The following LIN52 variants were observed in gnomAD, a reference collection of about 807,000 sequenced individuals.
LIN52 encodes lin-52 DREAM MuvB core complex component.
In LIN52, 4 loss-of-function variants were observed where a neutral mutation model predicts 18.5. The ratio of observed to expected loss-of-function variants is 0.22; its 90% CI spans 0.11 to 0.49. The LOEUF (loss-of-function observed/expected upper bound fraction) is 0.49. Among genes scored for constraint, LIN52 ranks in the 20% least tolerant of loss-of-function variants. The pLI, the probability that LIN52 is intolerant of heterozygous loss-of-function variation, is 0.97. For missense variants in LIN52, 102 were observed against 139.5 expected, an observed-to-expected ratio of 0.73 and a Z score of 1.35; for synonymous variants, 34 against 45.5, an observed-to-expected ratio of 0.75 and a Z score of 1.02.
In LIN52 at chr14:74,182,072, G is replaced by A. The variant is rs138248725; in HGVS notation, c.284-16850G>A. On this transcript the variant is annotated intron_variant, in intron 5 of 5. Coordinates refer to ENST00000555028, the MANE Select transcript of LIN52 (RefSeq NM_001024674.3). The stretch of plus-strand genomic sequence containing the variant: ...GTCACCCAGGTTAGAGTGCTGTGGC[G>A]CAATCTCGGCTCACTGCAACTTCTG... 1.7e-3 allele frequency among the ~76,000 whole-genome samples: 258 copies of A among 152,278 alleles called. 1 individual carries two copies. The highest frequency in any genetic ancestry group is 4.6e-3 in the African/African-American group (192 of 41,552).
chr14:74,151,216 A>G (rs1466760362), intron 5 of LIN52, among the ~76,000 whole-genome samples: 1 of 152,186 alleles, frequency 6.6e-6, no homozygotes, highest in Non-Finnish European at 1.5e-5. Context: ...GAAAAGTCAC[A>G]TACTGGGATA....
At chr14:74,193,186 A>G (rs1214188525) in intron 5 of LIN52, among the ~76,000 whole-genome samples, 1 of 152,016 alleles carries the variant, frequency 6.6e-6, no homozygotes, top group Non-Finnish European at 1.5e-5. Flanking sequence ...ATCATTTAAT[A>G]AAAATCAATA....
intron 1 of LIN52, among the ~76,000 whole-genome samples, chr14:74,088,918 G>T (rs915611097): frequency 3.3e-5 from 5 of 152,322 alleles, no homozygotes; most frequent in South Asian, 2.1e-4. Context: ...TGATGTCAAA[G>T]AATTAGGTAG....
chr14:74,104,510 G>A (rs1256555299), intron 5 of LIN52, among the ~76,000 whole-genome samples: 1 of 149,742 alleles, frequency 6.7e-6, no homozygotes, highest in African/African-American at 2.5e-5. Context: ...TTACATTCCT[G>A]TGGTAGAGCT....
intron 1 of LIN52, among the ~76,000 whole-genome samples, chr14:74,088,997 C>A (rs774330879): frequency 4.6e-5 from 7 of 152,056 alleles, no homozygotes; most frequent in Admixed American, 1.3e-4. Flanking sequence ...GAACTTTAAG[C>A]TGGAGAGAGA....
At chr14:74,110,392 G>A (rs1359141555) in intron 5 of LIN52, among the ~76,000 whole-genome samples, 1 of 152,106 alleles carries the variant, frequency 6.6e-6, no homozygotes, top group Non-Finnish European at 1.5e-5. Flanking sequence ...AAAAGAAAAA[G>A]ATTAAGGCCA....
intron 1 of LIN52, among the ~76,000 whole-genome samples, chr14:74,089,456 C>A (rs1326064649): frequency 6.6e-6 from 1 of 151,502 alleles, no homozygotes; most frequent in Non-Finnish European, 1.5e-5. Flanking sequence ...GCAGCTGCCA[C>A]CTCTGGGCTC....
intron 5 of LIN52, among the ~76,000 whole-genome samples, chr14:74,134,920 T>A (rs975869472): frequency 6.6e-6 from 1 of 152,228 alleles, no homozygotes; most frequent in Non-Finnish European, 1.5e-5. Context: ...TGAAAGAAAC[T>A]GAAATTAAGA....
At chr14:74,128,599 A>G (rs915383960) in intron 5 of LIN52, among the ~76,000 whole-genome samples, 1 of 152,202 alleles carries the variant, frequency 6.6e-6, no homozygotes, top group Non-Finnish European at 1.5e-5. Context: ...ATACACTTCA[A>G]ATATGTGCAT....
rs1363039518 is a variant in LIN52 at position 74,141,245 on chromosome 14, A to T, written c.283+40007A>T. On this transcript the variant is annotated intron_variant, in intron 5 of 5. Transcript: ENST00000555028. ...GGTAACTGCCACGAACAGTTTCTCC[A>T]TGGATGCTTCCAGACATTTTCTGTA... Among the ~76,000 whole-genome samples the T allele has an allele frequency of 2.6e-5, 4 of 152,256 alleles. 1 individual carries two copies. In the South Asian group the frequency reaches 8.3e-4, roughly 31 times the overall value.
At chr14:74,172,688 A>G (rs772635796) in intron 5 of LIN52, among the ~76,000 whole-genome samples, 7 of 152,244 alleles carry the variant, frequency 4.6e-5, no homozygotes, top group Non-Finnish European at 7.3e-5. Flanking sequence ...AGACAGCACC[A>G]AAGAAAGATG....
intron 5 of LIN52, among the ~76,000 whole-genome samples, chr14:74,124,340 A>G (rs1264985798): frequency 2.0e-5 from 3 of 152,226 alleles, no homozygotes; most frequent in Non-Finnish European, 4.4e-5. Flanking sequence ...AAAAGACCAA[A>G]TGAGTGAATA....
intron 5 of LIN52, among the ~76,000 whole-genome samples, chr14:74,197,117 C>T (rs889040734): frequency 2.0e-5 from 3 of 152,176 alleles, no homozygotes; most frequent in African/African-American, 7.2e-5. Flanking sequence ...AAAAGACTCC[C>T]ATCATGTAGA....
chr14:74,161,618 CAG>C, intron 5 of LIN52, among the ~76,000 whole-genome samples: 4 of 152,352 alleles, frequency 2.6e-5, no homozygotes, highest in African/African-American at 9.6e-5. Flanking sequence ...GGAGAGTCAA[CAG>C]AGGAACTTAG....
At chr14:74,085,587 T>C (rs2060722656) in intron 1 of LIN52, 1 of 152,204 alleles carries the variant, frequency 6.6e-6, no homozygotes, top group Non-Finnish European at 1.5e-5. Context: ...AGCTTTTAAG[T>C]GTCGTCTTGC....
rs2078948323 is a variant in LIN52, at chr14:74,201,375, C to T, written c.*2398C>T. ...GGATAGTTGGGGGCTTTACAGTCAT[C>T]TACTTGGTCTCCTGCCTTCCATTCT... On this transcript the variant is annotated 3_prime_UTR_variant, in exon 6 of 6. Coordinates refer to ENST00000555028, the MANE Select transcript of LIN52 (RefSeq NM_001024674.3). The T allele has an allele frequency of 6.6e-6, 1 of 152,170 alleles. No individual in the cohort carries two copies. The highest frequency in any genetic ancestry group is 2.4e-5 in the African/African-American group (1 of 41,432). 9.4% of individuals were successfully genotyped at this position (152,170 alleles called of 1,614,324 possible). A position where few individuals can be genotyped will look rare whatever the true frequency, so the allele number is the denominator to read the frequency against.
intron 5 of LIN52, among the ~76,000 whole-genome samples, chr14:74,121,186 A>G (rs2060997738): frequency 6.6e-6 from 1 of 152,242 alleles, no homozygotes; most frequent in African/African-American, 2.4e-5. Context: ...GACCTAAATC[A>G]TTATAACCCA....
intron 5 of LIN52, among the ~76,000 whole-genome samples, chr14:74,152,443 A>T (rs2061180587): frequency 6.6e-6 from 1 of 152,074 alleles, no homozygotes; most frequent in African/African-American, 2.4e-5. Flanking sequence ...ACCTACTAAT[A>T]GGTACTTCAT....
Position 74,199,127 on chromosome 14 carries a change from G to A in LIN52, c.*150G>A, listed in dbSNP as rs996912159. 7.4e-5 allele frequency: 42 copies of A among 570,652 alleles called. 1 individual carries two copies. Among genetic ancestry groups the A allele is most frequent in the South Asian group, 4.3e-4 (18 of 41,928 alleles). The allele number at this position is 570,652 out of a possible 1,614,324, so 35.3% of individuals were successfully genotyped here. On this transcript the variant is annotated 3_prime_UTR_variant, in exon 6 of 6. Coordinates refer to ENST00000555028, the MANE Select transcript of LIN52 (RefSeq NM_001024674.3). ...CTCCCCTGCTCCTGGCACTCTACAC[G>A]TCTGAGGACATTCAGCAGCAAGAGA...
Sources: allele counts gnomAD v4.1 joint callset (sites outside exome capture counted in the v4.1 genomes callset), GRCh38; gene constraint gnomAD v4.1.1; transcripts MANE v1.5; gene names NCBI Gene and HGNC (gene_info 2026-07-23, HGNC 2026-07-21).